The following EHMT1 variants were observed in gnomAD, a reference collection of about 807,000 sequenced individuals.
EHMT1 encodes the protein euchromatic histone lysine methyltransferase 1, also known as histone-lysine N-methyltransferase EHMT1.
A neutral mutation model predicts 147.2 loss-of-function variants in EHMT1; 15 were observed. The ratio of observed to expected loss-of-function variants is 0.10; its 90% confidence interval spans 0.07 to 0.16. EHMT1 has a LOEUF of 0.16. Among genes scored for constraint, EHMT1 ranks in the 10% least tolerant of loss-of-function variants. The probability of loss-of-function intolerance (pLI) is 1.00; values close to 1 mark genes in which losing one functional copy is unlikely to be tolerated. For missense variants in EHMT1, 1,587 were observed against 1,772.4 expected, an observed-to-expected ratio of 0.90 and a Z score of 1.88; for synonymous variants, 795 against 709.6, an observed-to-expected ratio of 1.12 and a Z score of -1.91.
chr9:137,710,719 A>G (rs902389189), intron 1 of EHMT1, among the ~76,000 whole-genome samples: 1 of 152,212 alleles, frequency 6.6e-6, no homozygotes, highest in African/African-American at 2.4e-5. Flanking sequence ...TGATACATGA[A>G]TGCGTTCTTA....
chr9:137,807,897 G>C (rs552282631), intron 18 of EHMT1, among the ~76,000 whole-genome samples: 1 of 152,258 alleles, frequency 6.6e-6, no homozygotes, highest in African/African-American at 2.4e-5. Flanking sequence ...CCCCATTGTG[G>C]GTCATGTTTC....
intron 4 of EHMT1, among the ~76,000 whole-genome samples, chr9:137,730,799 C>T (rs928564705): frequency 2.0e-5 from 3 of 152,232 alleles, no homozygotes; most frequent in African/African-American, 7.2e-5. Flanking sequence ...TTGCCTTGTC[C>T]CTTCCCAGGG....
At chr9:137,751,785 G>A (rs1025842672) in intron 6 of EHMT1, among the ~76,000 whole-genome samples, 3 of 152,174 alleles carry the variant, frequency 2.0e-5, no homozygotes, top group African/African-American at 7.2e-5. Context: ...ATGCACTGTC[G>A]TCTGTGGGCC....
At chr9:137,702,034 T>C (rs1354985828) in intron 1 of EHMT1, among the ~76,000 whole-genome samples, 1 of 152,096 alleles carries the variant, frequency 6.6e-6, no homozygotes, top group African/African-American at 2.4e-5. Flanking sequence ...CCTCAGGTGA[T>C]CTACTCGCCT....
At chr9:137,811,416 A>C (rs747294769) in intron 18 of EHMT1, 45 bp from the exon 19 acceptor site, 1 of 1,609,304 alleles carries the variant, frequency 6.2e-7, no homozygotes, top group Non-Finnish European at 8.5e-7. Context: ...CAGCACTGTG[A>C]GCCAGCAGGA....
intron 4 of EHMT1, among the ~76,000 whole-genome samples, chr9:137,730,044 G>A (rs537125019): frequency 2.0e-5 from 3 of 152,310 alleles, no homozygotes; most frequent in African/African-American, 4.8e-5. Context: ...TTTCTGAACC[G>A]TGGTGTTTTG....
At chr9:137,810,416 C>G (rs1461496610) in intron 18 of EHMT1, among the ~76,000 whole-genome samples, 1 of 152,256 alleles carries the variant, frequency 6.6e-6, no homozygotes, top group African/African-American at 2.4e-5. Context: ...GTTCCTCATT[C>G]CGTTTATCGC....
intron 1 of EHMT1, among the ~76,000 whole-genome samples, chr9:137,708,693 CTGGT>C: frequency 6.6e-6 from 1 of 152,284 alleles, no homozygotes; most frequent in South Asian, 2.1e-4. Context: ...ACAAATACTA[CTGGT>C]TGTTTTCTTT....
chr9:137,714,766 C>T (rs1293867462), intron 2 of EHMT1, among the ~76,000 whole-genome samples: 4 of 151,894 alleles, frequency 2.6e-5, no homozygotes, highest in Admixed American at 6.6e-5. Flanking sequence ...CCAGGTGGGT[C>T]GTGAACTCCT....
chr9:137,771,843 C>T (rs964725751), intron 10 of EHMT1, among the ~76,000 whole-genome samples: 4 of 152,162 alleles, frequency 2.6e-5, no homozygotes, highest in African/African-American at 9.7e-5. Context: ...TGGGATGAGT[C>T]ACAGGGGACC....
intron 1 of EHMT1, chr9:137,641,650 G>T (rs760593738): frequency 1.4e-4 from 31 of 215,522 alleles, no homozygotes; most frequent in Non-Finnish European, 2.6e-4. Flanking sequence ...GTGCTTCCTC[G>T]TGGGCTTGGT....
intron 3 of EHMT1, among the ~76,000 whole-genome samples, chr9:137,724,947 C>T (rs1168311826): frequency 2.0e-5 from 3 of 148,562 alleles, no homozygotes; most frequent in African/African-American, 7.5e-5. Flanking sequence ...ATTCGTGGGG[C>T]AGGCGTGTGG....
chr9:137,760,766 T>G (rs1321585981), intron 9 of EHMT1, among the ~76,000 whole-genome samples: 1 of 152,140 alleles, frequency 6.6e-6, no homozygotes, highest in African/African-American at 2.4e-5. Context: ...TCCCAGCACT[T>G]TGGGAGGCCG....
At chr9:137,784,243 G>T (rs1951787951) in intron 15 of EHMT1, 11 of 1,532,514 alleles carry the variant, frequency 7.2e-6, no homozygotes, top group East Asian at 4.9e-5. Flanking sequence ...GGACCAGGCC[G>T]CCCACAGGGA....
At position 137,810,119 on chromosome 9, in the gene EHMT1, G is replaced by A. The variant is rs540742375; in HGVS notation, c.2713-1342G>A. On this transcript the variant is annotated intron_variant, in intron 18 of 26. Transcript: ENST00000460843. ...GCCCTGTGTGGACCGTCGGTGATGG[G>A]TCCGGAGGCGGTTCCGATGCTGCCC... 4.2e-5 allele frequency among the ~76,000 whole-genome samples: 6 copies of A among 143,050 alleles called. No individual in the cohort carries two copies. In the East Asian group the frequency reaches 1.3e-3, roughly 31 times the overall value. The allele number at this position is 143,050 out of a possible 152,430, so 93.8% of individuals were successfully genotyped here. A position where few individuals can be genotyped will look rare whatever the true frequency, so the allele number is the denominator to read the frequency against.
intron 6 of EHMT1, among the ~76,000 whole-genome samples, chr9:137,750,944 G>A (rs1197265416): frequency 6.6e-6 from 1 of 152,204 alleles, no homozygotes; most frequent in African/African-American, 2.4e-5. Flanking sequence ...TTTGGGAAAA[G>A]GCAGCCTGCA....
rs371179697 is a variant in EHMT1 at position 137,817,431 on chromosome 9, T to A, written c.3375-8T>A. The A allele has an allele frequency of 7.1e-5, 115 of 1,613,946 alleles. No homozygotes were observed. Among genetic ancestry groups the A allele is most frequent in the Non-Finnish European group, 9.4e-5 (111 of 1,180,006 alleles). ...GGCCTGGGTTCACCACTACTCTCTA[T>A]TTTTCAGGGCAAGGCTGCAGCTCTA... On this transcript the variant is annotated splice_region_variant and splice_polypyrimidine_tract_variant and intron_variant, in intron 23 of 26. Coordinates refer to ENST00000460843, the MANE Select transcript of EHMT1 (RefSeq NM_024757.5).
At chr9:137,730,669 T>C (rs1444163308) in intron 4 of EHMT1, among the ~76,000 whole-genome samples, 2 of 152,214 alleles carry the variant, frequency 1.3e-5, no homozygotes, top group African/African-American at 4.8e-5. Flanking sequence ...TCATTATTTA[T>C]TTTGTTGCTC....
Position 137,675,802 on chromosome 9 carries a change from T to TTTTTTG in EHMT1, c.22-35165_22-35164insTTTTTG, listed in dbSNP as rs35541714. 3.2e-4 allele frequency among the ~76,000 whole-genome samples: 33 copies of TTTTTTG among 104,730 alleles called. 1 individual carries two copies. The highest frequency in any genetic ancestry group is 1.3e-3 in the African/African-American group (31 of 23,808). 68.7% of individuals were successfully genotyped at this position (104,730 alleles called of 152,430 possible). On this transcript the variant is annotated intron_variant, in intron 1 of 26. Transcript: ENST00000460843. Reference sequence around the variant, plus strand: ...TAATTTTTTTTTTTTTTTTTTTTTTTAGACGGAGTCTCGCTCTGTCGCCCA... The same window carrying TTTTTTG: ...TAATTTTTTTTTTTTTTTTTTTTTTTTTTTTGAGACGGAGTCTCGCTCTGTCGCCCA...
Sources: allele counts gnomAD v4.1 joint callset (sites outside exome capture counted in the v4.1 genomes callset), GRCh38; gene constraint gnomAD v4.1.1; transcripts MANE v1.5; gene names NCBI Gene and HGNC (gene_info 2026-07-23, HGNC 2026-07-21).